Variants in IL19 observed in about 807,000 individuals in gnomAD.
IL19 encodes the protein interleukin 19, also known as interleukin-19.
In IL19, 15 loss-of-function variants were observed where a neutral mutation model predicts 19.5. The observed-to-expected ratio is 0.77, with a 90% CI of 0.52 to 1.19. The LOEUF (loss-of-function observed/expected upper bound fraction) is 1.19, where lower values mean the gene tolerates loss of function less well. Among genes scored for constraint, IL19 ranks in the 50% most tolerant of loss-of-function variants. IL19 has a pLI of 0.00. For synonymous variants in IL19, 78 were observed against 78.3 expected, an observed-to-expected ratio of 1.00 and a Z score of 0.02; for missense variants, 199 against 213.1, an observed-to-expected ratio of 0.93 and a Z score of 0.41.
At chr1:206,785,568 G>T (rs532207996) in intron 1 of IL19, among the ~76,000 whole-genome samples, 153 of 152,332 alleles carry the variant, frequency 1.0e-3, no homozygotes, top group African/African-American at 3.6e-3. Context: ...AGAGCAGAAG[G>T]TTAGCATTTC....
At chr1:206,794,842 C>T (rs948024392) in intron 1 of IL19, among the ~76,000 whole-genome samples, 1 of 152,138 alleles carries the variant, frequency 6.6e-6, no homozygotes, top group Non-Finnish European at 1.5e-5. Flanking sequence ...TGCTATGCTC[C>T]CCACTTTCCA....
At chr1:206,838,722 G>T (rs1182791942) in intron 4 of IL19, among the ~76,000 whole-genome samples, 2 of 149,784 alleles carry the variant, frequency 1.3e-5, no homozygotes, top group African/African-American at 2.5e-5. Context: ...AAGGATTCAG[G>T]TTCCTTCCCT....
At chr1:206,800,732 G>C (rs564066296) in intron 2 of IL19, among the ~76,000 whole-genome samples, 5 of 152,328 alleles carry the variant, frequency 3.3e-5, no homozygotes, top group African/African-American at 1.2e-4. Flanking sequence ...AGGAAGGTGA[G>C]ACATTTAGTA....
At chr1:206,778,720 A>G (rs1200368306) in intron 1 of IL19, among the ~76,000 whole-genome samples, 2 of 152,166 alleles carry the variant, frequency 1.3e-5, no homozygotes, top group Admixed American at 1.3e-4. Flanking sequence ...TCTGAGAGTA[A>G]AATCATCTCT....
In IL19 at chr1:206,825,643, C is replaced by G. The variant is rs561400451; in HGVS notation, c.-2-11018C>G. Among the ~76,000 whole-genome samples, 73 of 152,308 alleles carry G rather than the reference C, an allele frequency of 4.8e-4. 1 individual carries two copies. In the South Asian group the frequency reaches 0.015, roughly 30 times the overall value. On this transcript the variant is annotated intron_variant, in intron 2 of 6. Coordinates refer to ENST00000659997, the MANE Select transcript of IL19 (RefSeq NM_153758.5). ...CCTTTCTGATTTTTCTCTGGAAGGG[C>G]TTCACTGAAGGGGCACAGAAGAATA...
chr1:206,790,147 C>T (rs1675361462), intron 1 of IL19, among the ~76,000 whole-genome samples: 1 of 152,182 alleles, frequency 6.6e-6, no homozygotes, highest in Non-Finnish European at 1.5e-5. Context: ...AATATACATT[C>T]CTACCAGCAG....
intron 2 of IL19, among the ~76,000 whole-genome samples, chr1:206,808,500 CGTGTGTGT>C (rs36044951): frequency 5.4e-5 from 8 of 148,606 alleles, no homozygotes; most frequent in South Asian, 2.2e-4. Flanking sequence ...TGTGTGTGTG[CGTGTGTGT>C]GTGTGTGTGT....
At chr1:206,782,669 C>T (rs570998964) in intron 1 of IL19, among the ~76,000 whole-genome samples, 1 of 152,286 alleles carries the variant, frequency 6.6e-6, no homozygotes, top group South Asian at 2.1e-4. Context: ...GGTTTCAAGT[C>T]AAAACCCATG....
chr1:206,781,850 T>C (rs967270378), intron 1 of IL19, among the ~76,000 whole-genome samples: 1 of 141,730 alleles, frequency 7.1e-6, no homozygotes, highest in Non-Finnish European at 1.5e-5. Context: ...GGGTTATATA[T>C]ACATATATAT....
chr1:206,813,205 C>T (rs557537556), intron 2 of IL19, among the ~76,000 whole-genome samples: 1 of 152,328 alleles, frequency 6.6e-6, no homozygotes, highest in South Asian at 2.1e-4. Context: ...CTAAAAACCA[C>T]ATTTCTGCAT....
At position 206,842,511 on chromosome 1, in the gene IL19, T is replaced by G. The variant is rs765355428; in HGVS notation, c.439-16T>G. 1.3e-6 allele frequency: 2 copies of G among 1,511,810 alleles called. No homozygotes were observed. The highest frequency in any genetic ancestry group is 1.8e-6 in the Non-Finnish European group (2 of 1,108,270). 93.6% of individuals were successfully genotyped at this position (1,511,810 alleles called of 1,614,324 possible). On this transcript the variant is annotated splice_polypyrimidine_tract_variant and intron_variant, in intron 6 of 6. Transcript: ENST00000659997. ...AGTCTAGAAAGGTGGGTTCTTACAT[T>G]GATCTCTGATTTCAGCTGGAGGTCC... is the stretch of plus-strand genomic sequence containing the variant.
chr1:206,822,575 A>T (rs1198076576), intron 2 of IL19, among the ~76,000 whole-genome samples: 1 of 152,198 alleles, frequency 6.6e-6, no homozygotes, highest in Non-Finnish European at 1.5e-5. Flanking sequence ...CAGTTTTATC[A>T]ATCTGTGTTA....
chr1:206,793,717 AT>A, intron 1 of IL19, among the ~76,000 whole-genome samples: 1 of 152,386 alleles, frequency 6.6e-6, no homozygotes, highest in East Asian at 1.9e-4. Context: ...GCAGAAAAAA[AT>A]AATTATAATA....
chr1:206,810,098 T>A (rs1553440523), intron 2 of IL19, among the ~76,000 whole-genome samples: 1 of 152,254 alleles, frequency 6.6e-6, no homozygotes, highest in Non-Finnish European at 1.5e-5. Flanking sequence ...GAATAGTTTA[T>A]ACACTAAAAG....
chr1:206,775,553 A>T (rs1409990635), intron 1 of IL19, among the ~76,000 whole-genome samples: 1 of 152,236 alleles, frequency 6.6e-6, no homozygotes, highest in South Asian at 2.1e-4. Flanking sequence ...CGGCTTCTCC[A>T]TCAATATGTC....
intron 6 of IL19, among the ~76,000 whole-genome samples, chr1:206,842,034 A>G (rs1677034090): frequency 6.6e-6 from 1 of 152,198 alleles, no homozygotes; most frequent in African/African-American, 2.4e-5. Context: ...TTTCATTTCC[A>G]GCTCTGTTAC....
At chr1:206,775,243 G>A (rs532953719) in intron 1 of IL19, among the ~76,000 whole-genome samples, 56 of 151,834 alleles carry the variant, frequency 3.7e-4, no homozygotes, top group African/African-American at 1.3e-3. Flanking sequence ...TATTAGAGAC[G>A]GGGTTTCACT....
At chr1:206,833,755 C>T in intron 2 of IL19, 4 of 985,484 alleles carry the variant, frequency 4.1e-6, no homozygotes, top group South Asian at 9.4e-5. Context: ...AATGAGAGAA[C>T]CCTCCAGGGG....
At chr1:206,821,416 T>TA (rs1416199626) in intron 2 of IL19, among the ~76,000 whole-genome samples, 1 of 152,262 alleles carries the variant, frequency 6.6e-6, no homozygotes, top group Non-Finnish European at 1.5e-5. Context: ...TTATCATTGT[T>TA]ACGATGCTTG....
Sources: gnomAD v4.1 joint callset for allele counts (sites outside exome capture counted in the v4.1 genomes callset) on GRCh38, gnomAD v4.1.1 for gene constraint, MANE v1.5 for transcripts, NCBI Gene and HGNC (gene_info 2026-07-23, HGNC 2026-07-21) for gene names.